The following PITPNC1 variants were observed in gnomAD, a reference collection of about 807,000 sequenced individuals.
The protein encoded by PITPNC1 is phosphatidylinositol transfer protein cytoplasmic 1, also known as cytoplasmic phosphatidylinositol transfer protein 1.
PITPNC1 carries 18 observed loss-of-function variants against 44.7 expected under a neutral mutation model. That is an observed-to-expected ratio of 0.40 (90% confidence interval 0.28 to 0.60). PITPNC1 has a LOEUF of 0.60. PITPNC1 is among the 20% of genes least tolerant of loss of function. The probability of loss-of-function intolerance (pLI) is 0.39; values close to 1 mark genes in which losing one functional copy is unlikely to be tolerated. For synonymous variants in PITPNC1, 141 were observed against 149.6 expected (o/e 0.94, Z 0.42); for missense variants, 290 against 418.4 (o/e 0.69, Z 2.68).
intron 8 of PITPNC1, 53 bp downstream of exon 8, chr17:67,675,595 C>A: frequency 7.9e-7 from 1 of 1,267,754 alleles, no homozygotes; most frequent in Non-Finnish European, 1.2e-6. Context: ...TTGTCTCGGG[C>A]TTTCTGTCCA....
At chr17:67,464,684 G>A (rs1271966712) in intron 1 of PITPNC1, among the ~76,000 whole-genome samples, 1 of 151,900 alleles carries the variant, frequency 6.6e-6, no homozygotes, top group Non-Finnish European at 1.5e-5. Flanking sequence ...AAAAAGCACA[G>A]CGTTATGAAT....
intron 1 of PITPNC1, among the ~76,000 whole-genome samples, chr17:67,392,878 G>A (rs148263661): frequency 8.5e-4 from 130 of 152,130 alleles, no homozygotes; most frequent in African/African-American, 3.0e-3. Context: ...CTAGCACTTC[G>A]GGAGGCCAAG....
intron 6 of PITPNC1, among the ~76,000 whole-genome samples, chr17:67,657,882 G>A (rs2042290829): frequency 6.6e-6 from 1 of 152,112 alleles, no homozygotes; most frequent in African/African-American, 2.4e-5. Context: ...GCAATCCACT[G>A]GTGTTCCATT....
At position 67,424,571 on chromosome 17, in the gene PITPNC1, C is replaced by T. The variant is rs180711728; in HGVS notation, c.48+46369C>T. On this transcript the variant is annotated intron_variant, in intron 1 of 8. Transcript: ENST00000581322. ...ACTCAGGAGGCTGAGGCAGAGGAAT[C>T]GCCTGAACCTGGGAGGCGAAGGTTG... is the stretch of plus-strand genomic sequence containing the variant. Among the ~76,000 whole-genome samples the T allele has an allele frequency of 1.2e-3, 189 of 152,086 alleles. 1 individual carries two copies. Among genetic ancestry groups the T allele is most frequent in the African/African-American group, 4.2e-3 (176 of 41,512 alleles).
chr17:67,508,654 T>C lies in PITPNC1; in HGVS notation c.49-24148T>C, dbSNP rs2040137987. Among the ~76,000 whole-genome samples the C allele has an allele frequency of 6.6e-6, 1 of 152,160 alleles. No individual in the cohort carries two copies. The highest frequency in any genetic ancestry group is 1.5e-5 in the Non-Finnish European group (1 of 68,024). ...CATTTTACTCAGCCCCTATTCAAGA[T>C]GGAGTTGCTCTGGTTCAAATGCCTC... On this transcript the variant is annotated intron_variant, in intron 1 of 8. Transcript: ENST00000581322. This position sits in a 1 kb window ranked among gnomAD's most constrained non-coding sequence, Gnocchi z 4.2.
intron 1 of PITPNC1, chr17:67,524,743 G>GTTT (rs1393225829): frequency 6.3e-5 from 1 of 15,878 alleles, no homozygotes; most frequent in Non-Finnish European, 1.1e-4. Context: ...ATATATGAAG[G>GTTT]TTTTCTTTTT....
chr17:67,388,377 A>C (rs970815838), intron 1 of PITPNC1, among the ~76,000 whole-genome samples: 4 of 137,542 alleles, frequency 2.9e-5, no homozygotes, highest in Non-Finnish European at 6.1e-5. Context: ...CCCAGGCTGG[A>C]GTGCAGTTCT....
intron 8 of PITPNC1, among the ~76,000 whole-genome samples, chr17:67,684,893 G>A (rs998383030): frequency 1.3e-5 from 2 of 152,140 alleles, no homozygotes; most frequent in African/African-American, 4.8e-5. Context: ...CTATCTTGAC[G>A]TTGAGCTAAT....
chr17:67,415,476 C>A (rs549346820), intron 1 of PITPNC1, among the ~76,000 whole-genome samples: 1 of 152,166 alleles, frequency 6.6e-6, no homozygotes, highest in Non-Finnish European at 1.5e-5. Context: ...ATTTAAAGTC[C>A]GCCTGGACTG....
intron 1 of PITPNC1, among the ~76,000 whole-genome samples, chr17:67,444,261 G>C (rs2039061502): frequency 6.6e-6 from 1 of 152,026 alleles, no homozygotes; most frequent in African/African-American, 2.4e-5. Context: ...CCATGAACCT[G>C]GTGGAAAGAA....
At position 67,648,469 on chromosome 17, in the gene PITPNC1, G is replaced by C. The variant is rs1275209779; in HGVS notation, c.462+16231G>C. 5.3e-5 allele frequency among the ~76,000 whole-genome samples: 8 copies of C among 152,202 alleles called. No homozygotes were observed. In the East Asian group the frequency reaches 1.5e-3, roughly 29 times the overall value. The stretch of plus-strand genomic sequence containing the variant: ...TCACTGTCTCATGTATTAAGGTGGG[G>C]TCCTCTCCAGTGTGCCCTTGAATGA... On this transcript the variant is annotated intron_variant, in intron 6 of 8. Transcript: ENST00000581322.
At chr17:67,569,904 A>C (rs115016247) in intron 4 of PITPNC1, among the ~76,000 whole-genome samples, 266 of 152,300 alleles carry the variant, frequency 1.7e-3, no homozygotes, top group African/African-American at 6.1e-3. Context: ...GAGAGAGATA[A>C]AAAAGAAAAG....
chr17:67,491,789 A>C (rs1458036766), intron 1 of PITPNC1, among the ~76,000 whole-genome samples: 3 of 152,172 alleles, frequency 2.0e-5, no homozygotes, highest in Non-Finnish European at 1.5e-5. Context: ...CTGTGATCAC[A>C]CTACTGCCTC....
Position 67,552,269 on chromosome 17 carries a change from T to C in PITPNC1, c.210T>C (p.Ser70=). ...TCTTTCCTCTTAGCAAACTGCCTAG[T>C]TGGGCTAGAGCTGTTGTCCCCAAAA... ...KRVYLNSKLP[S]WARAVVPKIF... is the part of the protein sequence containing the mutation. The change falls in exon 3 of 9, where the codon AGT becomes AGC. Residue 70 remains serine, a synonymous_variant. Transcript: ENST00000581322. 2.5e-6 allele frequency: 4 copies of C among 1,590,270 alleles called. No homozygotes were observed. Among genetic ancestry groups the C allele is most frequent in the Non-Finnish European group, 3.5e-6 (4 of 1,158,428 alleles).
intron 1 of PITPNC1, among the ~76,000 whole-genome samples, chr17:67,395,368 C>T (rs952785846): frequency 6.6e-6 from 1 of 151,912 alleles, no homozygotes; most frequent in Admixed American, 6.6e-5. Flanking sequence ...AGGCTGGTCT[C>T]GAACTCTTAG....
intron 7 of PITPNC1, among the ~76,000 whole-genome samples, chr17:67,674,907 G>A (rs2042575768): frequency 1.3e-5 from 2 of 151,836 alleles, no homozygotes; most frequent in African/African-American, 4.8e-5. Context: ...AGCTACTTGT[G>A]AGGCTGAGGC....
chr17:67,647,463 GGTTTTTTTTT>G (rs780644808), intron 6 of PITPNC1, among the ~76,000 whole-genome samples: 5,602 of 90,394 alleles, frequency 0.062, 218 homozygotes, highest in East Asian at 0.22. Context: ...GCTAATTTTG[GGTTTTTTTTT>G]TTTTTTTTTT....
intron 6 of PITPNC1, among the ~76,000 whole-genome samples, chr17:67,649,217 C>T (rs543441161): frequency 2.0e-5 from 3 of 152,264 alleles, no homozygotes; most frequent in Admixed American, 6.5e-5. Context: ...TCAATGCTGC[C>T]ATCCTGCAAG....
chr17:67,424,373 C>G (rs1361506705), intron 1 of PITPNC1, among the ~76,000 whole-genome samples: 1 of 152,074 alleles, frequency 6.6e-6, no homozygotes, highest in African/African-American at 2.4e-5. Flanking sequence ...GAAAACTGGG[C>G]TGGCTGGGCG....
Sources: gnomAD v4.1 joint callset for allele counts (sites outside exome capture counted in the v4.1 genomes callset) on GRCh38, gnomAD v4.1.1 for gene constraint, Gnocchi (gnomAD v3.1) non-coding constraint, MANE v1.5 for transcripts, NCBI Gene and HGNC (gene_info 2026-07-23, HGNC 2026-07-21) for gene names.